Variants in PLAC1 observed in about 807,000 individuals in gnomAD.
PLAC1 encodes the protein placenta associated 1.
For synonymous variants in PLAC1, 68 were observed against 62.1 expected, an observed-to-expected ratio of 1.09 and a Z score of -0.44; for missense variants, 136 against 163.2, an observed-to-expected ratio of 0.83 and a Z score of 0.91.
chrX:134,700,505 C>G (rs1252719159), intron 2 of PLAC1, among the ~76,000 whole-genome samples: 1 of 111,712 alleles, frequency 9.0e-6, no homozygotes, highest in Non-Finnish European at 1.9e-5. Flanking sequence ...CAAACTATCT[C>G]TCTTCACTGA....
intron 1 of PLAC1, chrX:134,607,494 GA>G: frequency 2.5e-5 from 4 of 158,977 alleles, no homozygotes; most frequent in Admixed American, 7.9e-5. Context: ...ACTGTTCAGA[GA>G]AAAAGGAAGC....
At chrX:134,632,242 C>G (rs1047836159) in intron 1 of PLAC1, among the ~76,000 whole-genome samples, 1 of 111,784 alleles carries the variant, frequency 8.9e-6, no homozygotes, top group African/African-American at 3.3e-5. Context: ...GTCCCTTTCA[C>G]CTCTAGACAT....
intron 2 of PLAC1, among the ~76,000 whole-genome samples, chrX:134,677,838 A>T (rs2078480703): frequency 9.0e-6 from 1 of 111,545 alleles, no homozygotes; most frequent in Non-Finnish European, 1.9e-5. Flanking sequence ...AAGCAGGGAG[A>T]CCAGTTGGGA....
intron 1 of PLAC1, among the ~76,000 whole-genome samples, chrX:134,737,860 C>T (rs778933208): frequency 8.9e-6 from 1 of 112,449 alleles, no homozygotes; most frequent in Non-Finnish European, 1.9e-5. Context: ...AGTTAATTCG[C>T]TGAAGGCAAA....
chrX:134,665,327 A>AT, intron 2 of PLAC1, among the ~76,000 whole-genome samples: 3 of 111,542 alleles, frequency 2.7e-5, no homozygotes, highest in Middle Eastern at 4.6e-3. Context: ...TACAACATGT[A>AT]TTTTTTGTGT....
chrX:134,584,110 G>A (rs781162539), intron 2 of PLAC1, among the ~76,000 whole-genome samples: 2 of 110,702 alleles, frequency 1.8e-5, no homozygotes, highest in Non-Finnish European at 3.8e-5. Flanking sequence ...ATGCCTCCAC[G>A]ACATCTGTCT....
rs59970411 is a variant in PLAC1, at chrX:134,643,932, G to GAATAATAATAAT, written c.-131+14384_-131+14395dup. 3.9e-3 allele frequency among the ~76,000 whole-genome samples: 394 copies of GAATAATAATAAT among 100,474 alleles called. 2 individuals carry two copies. The highest frequency in any genetic ancestry group is 4.8e-3 in the Non-Finnish European group (238 of 49,602). The allele number at this position is 100,474 out of a possible 115,157, so 87.2% of individuals were successfully genotyped here. ...CTCAGTTTTCTTATCTGTAAAAGAG[G>GAATAATAATAAT]AATAATAATAATAATAATAATAATA... On this transcript the variant is annotated intron_variant, in intron 1 of 2. Transcript: ENST00000359237.
chrX:134,721,587 G>A (rs778994332), intron 2 of PLAC1, among the ~76,000 whole-genome samples: 3 of 108,903 alleles, frequency 2.8e-5, no homozygotes, highest in Admixed American at 9.9e-5. Context: ...AAGACAGGCC[G>A]GGCATGGTGG....
chrX:134,708,204 C>G (rs1284526847), intron 2 of PLAC1, among the ~76,000 whole-genome samples: 1 of 111,708 alleles, frequency 9.0e-6, no homozygotes, highest in Non-Finnish European at 1.9e-5. Context: ...GAATTCTACA[C>G]CCAGCAAAAA....
intron 2 of PLAC1, among the ~76,000 whole-genome samples, chrX:134,701,418 A>G (rs1388063539): frequency 8.9e-6 from 1 of 111,898 alleles, no homozygotes; most frequent in Non-Finnish European, 1.9e-5. Context: ...AATTGCAACA[A>G]AAACAGAAAT....
chrX:134,750,305 C>G (rs912803923), intron 1 of PLAC1, among the ~76,000 whole-genome samples: 2 of 111,153 alleles, frequency 1.8e-5, no homozygotes, highest in African/African-American at 6.5e-5. Flanking sequence ...ATGCTGTCAA[C>G]CACAGTTTGG....
chrX:134,684,876 G>A (rs769976083), intron 2 of PLAC1, among the ~76,000 whole-genome samples: 3 of 112,193 alleles, frequency 2.7e-5, no homozygotes, highest in Non-Finnish European at 5.6e-5. Context: ...GCCTAAAGCT[G>A]GCCCTAGGCA....
chrX:134,739,989 CAAAGGCCCTTCA>C (rs2078712797), intron 1 of PLAC1, among the ~76,000 whole-genome samples: 1 of 111,601 alleles, frequency 9.0e-6, no homozygotes, highest in South Asian at 3.8e-4. Flanking sequence ...AAAAGTAATT[CAAAGGCCCTTCA>C]AAAGTCGAAT....
At chrX:134,676,501 A>G (rs2078475758) in intron 2 of PLAC1, among the ~76,000 whole-genome samples, 3 of 111,817 alleles carry the variant, frequency 2.7e-5, no homozygotes, top group African/African-American at 9.8e-5. Flanking sequence ...TGTCCCAGAG[A>G]TGATAAGAGA....
chrX:134,592,882 C>T (rs946637134), intron 2 of PLAC1, among the ~76,000 whole-genome samples: 3 of 109,287 alleles, frequency 2.7e-5, no homozygotes, highest in Non-Finnish European at 5.7e-5. Flanking sequence ...CCCGCCACCA[C>T]GCCCGGCTAA....
At chrX:134,606,340 C>A (rs901207592) in intron 1 of PLAC1, 2 of 111,184 alleles carry the variant, frequency 1.8e-5, no homozygotes, top group African/African-American at 6.5e-5. Flanking sequence ...GAGTAGGGTT[C>A]ATTTTGTCAC....
At chrX:134,756,615 C>T (rs1026279686) in intron 1 of PLAC1, among the ~76,000 whole-genome samples, 2 of 110,262 alleles carry the variant, frequency 1.8e-5, no homozygotes, top group Non-Finnish European at 3.8e-5. Context: ...TTTGGGAGGC[C>T]GAGACAGGCG....
chrX:134,671,106 G>A (rs1352771199), intron 2 of PLAC1, among the ~76,000 whole-genome samples: 1 of 112,007 alleles, frequency 8.9e-6, no homozygotes, highest in African/African-American at 3.3e-5. Flanking sequence ...CTCTGTGATA[G>A]CCCAGTGTTA....
chrX:134,622,131 T>C (rs964234378), intron 1 of PLAC1, among the ~76,000 whole-genome samples: 1 of 112,000 alleles, frequency 8.9e-6, no homozygotes, highest in Non-Finnish European at 1.9e-5. Flanking sequence ...CTGTATCAGT[T>C]GGCAGATGAA....
Sources: gnomAD v4.1 joint callset for allele counts (sites outside exome capture counted in the v4.1 genomes callset) on GRCh38, gnomAD v4.1.1 for gene constraint, MANE v1.5 for transcripts, NCBI Gene and HGNC (gene_info 2026-07-23, HGNC 2026-07-21) for gene names.